Variants in MAP2K5 observed in about 807,000 individuals in gnomAD.
MAP2K5 encodes the protein mitogen-activated protein kinase kinase 5.
In MAP2K5, 49 loss-of-function variants were observed where a neutral mutation model predicts 83.1. The ratio of observed to expected loss-of-function variants is 0.59; its 90% CI spans 0.47 to 0.75. The LOEUF (loss-of-function observed/expected upper bound fraction) is 0.75, where lower values mean the gene tolerates loss of function less well. MAP2K5 is among the 30% of genes least tolerant of loss of function. The pLI, the probability that MAP2K5 is intolerant of heterozygous loss-of-function variation, is 0.00. For synonymous variants in MAP2K5, 202 were observed against 191.8 expected (o/e 1.05, Z -0.44); for missense variants, 457 against 557.5 (o/e 0.82, Z 1.82).
chr15:67,752,248 G>T (rs943309606), intron 19 of MAP2K5, among the ~76,000 whole-genome samples: 1 of 151,802 alleles, frequency 6.6e-6, no homozygotes, highest in Non-Finnish European at 1.5e-5. Flanking sequence ...TGTATTATTA[G>T]TAGAGACAGG....
rs995996054 is a variant in MAP2K5, at chr15:67,640,456, A to C, written c.586-5775A>C. Reference sequence around the variant, plus strand: ...CTCTCCTGACTTTTGTGTGACTTCAAGCATGTCACTTGAACCTCCCAGTGA... The same window carrying C: ...CTCTCCTGACTTTTGTGTGACTTCACGCATGTCACTTGAACCTCCCAGTGA... On this transcript the variant is annotated intron_variant, in intron 9 of 21. Transcript: ENST00000178640. The surrounding 1 kb of genome is among the most constrained non-coding windows in gnomAD (Gnocchi z 4.6). 2 of 272,614 alleles carry C rather than the reference A, an allele frequency of 7.3e-6. No homozygotes were observed. The highest frequency in any genetic ancestry group is 4.6e-5 in the African/African-American group (2 of 43,688). The allele number at this position is 272,614 out of a possible 1,614,324, so 16.9% of individuals were successfully genotyped here. A position where few individuals can be genotyped will look rare whatever the true frequency, so the allele number is the denominator to read the frequency against.
rs1364328051 is a variant in MAP2K5, at chr15:67,698,775, A to G, written c.973-4562A>G. Among the ~76,000 whole-genome samples the G allele has an allele frequency of 6.6e-6, 1 of 152,174 alleles. No individual in the cohort carries two copies. Among genetic ancestry groups the G allele is most frequent in the Non-Finnish European group, 1.5e-5 (1 of 68,032 alleles). On this transcript the variant is annotated intron_variant, in intron 15 of 21. Coordinates refer to ENST00000178640, the MANE Select transcript of MAP2K5 (RefSeq NM_145160.3). The surrounding 1 kb of genome is among the most constrained non-coding windows in gnomAD (Gnocchi z 4.5). The stretch of plus-strand genomic sequence containing the variant: ...TTTACTCGGAATAAAACACATACAC[A>G]TTGCATGATCCAACTCAATTGGCTA...
At chr15:67,575,712 C>A (rs1240300141) in intron 3 of MAP2K5, among the ~76,000 whole-genome samples, 1 of 151,944 alleles carries the variant, frequency 6.6e-6, no homozygotes, top group Non-Finnish European at 1.5e-5. Flanking sequence ...ACTGATAAAC[C>A]ATTTGCTTCA....
rs2085317900 is a variant in MAP2K5, at chr15:67,587,700, C to G, written c.431+787C>G. Among the ~76,000 whole-genome samples, 1 of 152,178 alleles carries G rather than the reference C, an allele frequency of 6.6e-6. No homozygotes were observed. The highest frequency in any genetic ancestry group is 2.4e-5 in the African/African-American group (1 of 41,440). On this transcript the variant is annotated intron_variant, in intron 6 of 21. Transcript: ENST00000178640. This position sits in a 1 kb window ranked among gnomAD's most constrained non-coding sequence, Gnocchi z 4.8. Reference sequence around the variant, plus strand: ...TAAGCCCTCAGAACGTGGTTGTTCCCTCTTCCAGGTCAACAGCTCTTCCAG... The same window carrying G: ...TAAGCCCTCAGAACGTGGTTGTTCCGTCTTCCAGGTCAACAGCTCTTCCAG...
At position 67,783,499 on chromosome 15, in the gene MAP2K5, G is replaced by C. The variant is rs755926686; in HGVS notation, c.1242+10747G>C. ...ACTGGCACAACCTCTGTGAAGCTTT[G>C]CTAAGCGTGCTTCAGTTGGGTTGAG... On this transcript the variant is annotated intron_variant, in intron 21 of 21. Coordinates refer to ENST00000178640, the MANE Select transcript of MAP2K5 (RefSeq NM_145160.3). The surrounding 1 kb of genome is among the most constrained non-coding windows in gnomAD (Gnocchi z 5.1). Among the ~76,000 whole-genome samples the C allele has an allele frequency of 1.3e-5, 2 of 152,138 alleles. No homozygotes were observed. The highest frequency in any genetic ancestry group is 2.9e-5 in the Non-Finnish European group (2 of 68,030).
chr15:67,623,207 A>T (rs1000083516), intron 8 of MAP2K5, among the ~76,000 whole-genome samples: 6 of 152,218 alleles, frequency 3.9e-5, no homozygotes, highest in African/African-American at 1.4e-4. Context: ...TGGCCTTCTC[A>T]TGATTGTTTA....
chr15:67,632,831 C>T (rs532950610), intron 9 of MAP2K5, among the ~76,000 whole-genome samples: 2 of 152,340 alleles, frequency 1.3e-5, no homozygotes, highest in South Asian at 4.1e-4. Context: ...CCTCTGACTG[C>T]TAATGAAATC....
chr15:67,591,525 A>G (rs973799706), intron 6 of MAP2K5, among the ~76,000 whole-genome samples: 8 of 150,842 alleles, frequency 5.3e-5, no homozygotes, highest in Middle Eastern at 6.8e-3. Flanking sequence ...GCCGGCCACC[A>G]CACCCGGCTA....
chr15:67,718,371 G>C (rs2088875051), intron 16 of MAP2K5, among the ~76,000 whole-genome samples: 1 of 152,148 alleles, frequency 6.6e-6, no homozygotes, highest in Admixed American at 6.5e-5. Flanking sequence ...CTTTTTAAAA[G>C]GGTGTTATTT....
At chr15:67,735,475 C>T (rs187876883) in intron 17 of MAP2K5, among the ~76,000 whole-genome samples, 1 of 152,282 alleles carries the variant, frequency 6.6e-6, no homozygotes, top group East Asian at 1.9e-4. Context: ...TCACTGAGCA[C>T]CTACTCTGTG....
intron 16 of MAP2K5, among the ~76,000 whole-genome samples, chr15:67,712,668 C>T (rs1232855175): frequency 1.3e-5 from 2 of 152,170 alleles, no homozygotes; most frequent in Admixed American, 1.3e-4. Flanking sequence ...CCTGTAATCC[C>T]AACACTTTAG....
chr15:67,731,408 T>G (rs1229693923), intron 17 of MAP2K5, among the ~76,000 whole-genome samples: 2 of 152,194 alleles, frequency 1.3e-5, no homozygotes, highest in Non-Finnish European at 2.9e-5. Flanking sequence ...TGTATGAGTT[T>G]CATTGTTTTG....
At chr15:67,765,503 G>A in intron 19 of MAP2K5, among the ~76,000 whole-genome samples, 1 of 152,172 alleles carries the variant, frequency 6.6e-6, no homozygotes, top group Non-Finnish European at 1.5e-5. Context: ...AGGGTGGAGG[G>A]TAGATTAATG....
At position 67,708,606 on chromosome 15, in the gene MAP2K5, G is replaced by A. The variant is rs888901558; in HGVS notation, c.1044+5198G>A. Among the ~76,000 whole-genome samples, 1 of 152,056 alleles carries A rather than the reference G, an allele frequency of 6.6e-6. No homozygotes were observed. The highest frequency in any genetic ancestry group is 2.4e-5 in the African/African-American group (1 of 41,396). On this transcript the variant is annotated intron_variant, in intron 16 of 21. Coordinates refer to ENST00000178640, the MANE Select transcript of MAP2K5 (RefSeq NM_145160.3). The surrounding 1 kb of genome is among the most constrained non-coding windows in gnomAD (Gnocchi z 4.9). ...AGCCTCTTGAGTAGCTAGGACTACA[G>A]GTGTACCACTGCACCTGGCTGAACG...
Position 67,634,252 on chromosome 15 carries a change from C to T in MAP2K5, c.585+3325C>T, listed in dbSNP as rs1362274122. On this transcript the variant is annotated intron_variant, in intron 9 of 21. Coordinates refer to ENST00000178640, the MANE Select transcript of MAP2K5 (RefSeq NM_145160.3). ...GGCATGGTGGTGTGTGCCTGTAGTC[C>T]CAGCTACTTGGGAGGCTAAGGTGGG... 2.7e-5 allele frequency among the ~76,000 whole-genome samples: 4 copies of T among 150,638 alleles called. No homozygotes were observed. In the East Asian group the frequency reaches 7.8e-4, roughly 29 times the overall value.
rs1410663856 is a variant in MAP2K5 at position 67,552,455 on chromosome 15, G to A, written c.184+2373G>A. On this transcript the variant is annotated intron_variant, in intron 2 of 21. Transcript: ENST00000178640. This position sits in a 1 kb window ranked among gnomAD's most constrained non-coding sequence, Gnocchi z 4.2. ...CACGAAGTACTCGTTATTTTTTTGA[G>A]ACAGAGTATTGCTCTGTTGCCCAGG... Among the ~76,000 whole-genome samples the A allele has an allele frequency of 6.6e-6, 1 of 151,912 alleles. No individual in the cohort carries two copies. The highest frequency in any genetic ancestry group is 1.9e-4 in the East Asian group (1 of 5,182).
intron 2 of MAP2K5, among the ~76,000 whole-genome samples, chr15:67,554,957 C>T (rs2084593399): frequency 6.6e-6 from 1 of 152,140 alleles, no homozygotes; most frequent in African/African-American, 2.4e-5. Flanking sequence ...AATCAAATTC[C>T]CACATTTGAC....
chr15:67,780,305 G>T lies in MAP2K5; in HGVS notation c.1242+7553G>T, dbSNP rs1309381205. 6.6e-6 allele frequency among the ~76,000 whole-genome samples: 1 copy of T among 151,668 alleles called. No individual in the cohort carries two copies. Among genetic ancestry groups the T allele is most frequent in the African/African-American group, 2.4e-5 (1 of 41,202 alleles). On this transcript the variant is annotated intron_variant, in intron 21 of 21. Coordinates refer to ENST00000178640, the MANE Select transcript of MAP2K5 (RefSeq NM_145160.3). The surrounding 1 kb of genome is among the most constrained non-coding windows in gnomAD (Gnocchi z 5.0). ...TTTTTTAACCTTTAAAGTTCTCTAG[G>T]TGATTACAAGGACAGCCAGAGGGGA...
chr15:67,626,050 A>G (rs142483822), intron 8 of MAP2K5, among the ~76,000 whole-genome samples: 8 of 152,266 alleles, frequency 5.3e-5, no homozygotes, highest in African/African-American at 1.9e-4. Flanking sequence ...TCCTGTGTAT[A>G]TATTTAATTA....
Sources: gnomAD v4.1 joint callset for allele counts (sites outside exome capture counted in the v4.1 genomes callset) on GRCh38, gnomAD v4.1.1 for gene constraint, Gnocchi (gnomAD v3.1) non-coding constraint, MANE v1.5 for transcripts, NCBI Gene and HGNC (gene_info 2026-07-23, HGNC 2026-07-21) for gene names.